The following TRPC1 variants were observed in gnomAD, a reference collection of about 807,000 sequenced individuals.
The protein encoded by TRPC1 is short transient receptor potential channel 1.
Under a neutral mutation model 88.2 loss-of-function variants are expected in TRPC1, and 42 were observed. The observed-to-expected ratio is 0.48, with a 90% CI of 0.37 to 0.62. The LOEUF is 0.62. TRPC1 is among the 20% of genes least tolerant of loss of function. The pLI is 0.00. For missense variants in TRPC1, 699 were observed against 957.3 expected (o/e 0.73, Z 3.56); for synonymous variants, 288 against 331.8 (o/e 0.87, Z 1.43).
intron 6 of TRPC1, among the ~76,000 whole-genome samples, chr3:142,782,009 G>A (rs144470991): frequency 1.3e-3 from 195 of 152,172 alleles, no homozygotes; most frequent in Non-Finnish European, 8.1e-4. Context: ...GATGGAGGAT[G>A]TTTATTGGTT....
At position 142,724,695 on chromosome 3, in the gene TRPC1, CTGAA is replaced by C; in HGVS notation, c.140_143del (p.Asn47ArgfsTer28). 2 of 1,605,724 alleles carry C rather than the reference CTGAA, an allele frequency of 1.2e-6. No homozygotes were observed. The highest frequency in any genetic ancestry group is 1.7e-6 in the Non-Finnish European group (2 of 1,174,852). ...GCGGGAGGTGAAGGAGGAGAATACG[CTGAA>C]TGAGAAGCTTTTCTTGCTGGCGTGC... On this transcript the variant is annotated frameshift_variant, in exon 1 of 13. Transcript: ENST00000476941. LOFTEE classifies it high-confidence loss of function. The surrounding 1 kb of genome is among the most constrained non-coding windows in gnomAD (Gnocchi z 5.6).
At chr3:142,726,258 G>T (rs1933666513) in intron 1 of TRPC1, among the ~76,000 whole-genome samples, 3 of 152,156 alleles carry the variant, frequency 2.0e-5, no homozygotes, top group South Asian at 4.1e-4. Flanking sequence ...AAGGAAATTT[G>T]ATATTCCTGT....
In TRPC1 at chr3:142,748,312, C is replaced by T. The variant is rs1358722550; in HGVS notation, c.484C>T (p.Pro162Ser). Residue 162 changes from proline to serine, a missense_variant, in exon 4 of 13, where the codon CCT becomes TCT. Transcript: ENST00000476941. ...GTATTCAACAACTATGGATGTTGCA[C>T]CTGTCATTTTAGCTGCTCATCGTAA... The part of the protein sequence containing the change: ...PEYSTTMDVA[P>S]VILAAHRNNY... The T allele has an allele frequency of 1.2e-6, 2 of 1,614,048 alleles. No individual in the cohort carries two copies. Among genetic ancestry groups the T allele is most frequent in the African/African-American group, 1.3e-5 (1 of 75,028 alleles).
chr3:142,784,945 T>G lies in TRPC1; in HGVS notation c.1202T>G (p.Leu401Arg). 1 of 1,614,024 alleles carries G rather than the reference T, an allele frequency of 6.2e-7. No homozygotes were observed. Among genetic ancestry groups the G allele is most frequent in the Non-Finnish European group, 8.5e-7 (1 of 1,179,986 alleles). Residue 401 changes from leucine to arginine, a missense_variant, in exon 7 of 13, where the codon CTT becomes CGT. By Grantham distance (102) the Leu-to-Arg change is moderately radical (BLOSUM62 -2). Coordinates refer to ENST00000476941, the MANE Select transcript of TRPC1 (RefSeq NM_001251845.2). Reference sequence around the variant, plus strand: ...TCATATTTCACATTTCTGCTGTTGCTTAATCTATACTCTCTTGTCTACAAT... The same window carrying G: ...TCATATTTCACATTTCTGCTGTTGCGTAATCTATACTCTCTTGTCTACAAT... ...GASYFTFLLLLNLYSLVYNED... is the reference protein window; with the variant it reads ...GASYFTFLLLRNLYSLVYNED...
At chr3:142,777,185 C>T (rs1432061496) in intron 4 of TRPC1, among the ~76,000 whole-genome samples, 1 of 151,986 alleles carries the variant, frequency 6.6e-6, no homozygotes, top group Non-Finnish European at 1.5e-5. Flanking sequence ...GTGGCATGCA[C>T]CTGTAATCAC....
At chr3:142,758,325 A>C (rs74282959) in intron 4 of TRPC1, among the ~76,000 whole-genome samples, 1 of 152,142 alleles carries the variant, frequency 6.6e-6, no homozygotes, top group South Asian at 2.1e-4. Flanking sequence ...GATACAAACT[A>C]TTTTAACTGG....
At chr3:142,760,310 C>G (rs1255834953) in intron 4 of TRPC1, among the ~76,000 whole-genome samples, 1 of 152,182 alleles carries the variant, frequency 6.6e-6, no homozygotes, top group African/African-American at 2.4e-5. Context: ...GTTAATCCAG[C>G]TTTCCCAGCA....
At chr3:142,766,749 T>C (rs1041095670) in intron 4 of TRPC1, among the ~76,000 whole-genome samples, 1 of 152,120 alleles carries the variant, frequency 6.6e-6, no homozygotes, top group Non-Finnish European at 1.5e-5. Context: ...GTTTCGGAAC[T>C]CAGACTAGCT....
intron 4 of TRPC1, among the ~76,000 whole-genome samples, chr3:142,772,910 C>T (rs1416094200): frequency 6.6e-6 from 1 of 152,142 alleles, no homozygotes; most frequent in Non-Finnish European, 1.5e-5. Flanking sequence ...TTCTAGGCCT[C>T]TCTCCTTTGT....
intron 1 of TRPC1, among the ~76,000 whole-genome samples, chr3:142,734,289 A>C (rs1934040038): frequency 6.6e-6 from 1 of 152,220 alleles, no homozygotes; most frequent in African/African-American, 2.4e-5. Context: ...AAATGAAAAC[A>C]TAAGAAAATA....
chr3:142,785,101 T>C (rs1158789553), intron 7 of TRPC1, 61 bp downstream of exon 7: 2 of 1,418,540 alleles, frequency 1.4e-6, no homozygotes, highest in East Asian at 2.5e-5. Flanking sequence ...TCTTTCTTGA[T>C]TGATGGCATT....
At chr3:142,729,532 G>A (rs137930188) in intron 1 of TRPC1, among the ~76,000 whole-genome samples, 113 of 152,160 alleles carry the variant, frequency 7.4e-4, no homozygotes, top group African/African-American at 2.5e-3. Context: ...GGGATATTAC[G>A]TGTACAGGGT....
chr3:142,737,430 A>G (rs1934185430), intron 2 of TRPC1, among the ~76,000 whole-genome samples: 1 of 152,040 alleles, frequency 6.6e-6, no homozygotes, highest in Non-Finnish European at 1.5e-5. Context: ...TTACCCAGCA[A>G]CTTCAGCTAT....
intron 4 of TRPC1, among the ~76,000 whole-genome samples, chr3:142,757,815 TA>T (rs958658334): frequency 1.3e-4 from 20 of 151,720 alleles, no homozygotes; most frequent in African/African-American, 4.3e-4. Flanking sequence ...GTATAATAAT[TA>T]AAAAAAAATT....
intron 4 of TRPC1, among the ~76,000 whole-genome samples, chr3:142,763,959 AATATATATATATAT>A (rs1159520441): frequency 2.6e-5 from 2 of 76,316 alleles, no homozygotes; most frequent in South Asian, 3.1e-4. Context: ...AAAAAAAAGA[AATATATATATATAT>A]ATATATATAT....
At chr3:142,762,428 A>ATT (rs755194552) in intron 4 of TRPC1, among the ~76,000 whole-genome samples, 2,460 of 103,606 alleles carry the variant, frequency 0.024, 67 homozygotes, top group East Asian at 0.056. Context: ...TTTATTCTTG[A>ATT]TTTTTTTTTT....
intron 4 of TRPC1, among the ~76,000 whole-genome samples, chr3:142,763,351 A>G (rs937911369): frequency 1.3e-5 from 2 of 152,100 alleles, no homozygotes; most frequent in African/African-American, 4.8e-5. Context: ...CATTAACTTT[A>G]TATACTTGGG....
At chr3:142,785,065 G>T (rs762573887) in intron 7 of TRPC1, 25 bp downstream of exon 7, 16 of 1,535,514 alleles carry the variant, frequency 1.0e-5, no homozygotes, top group Middle Eastern at 4.0e-4. Context: ...AGTTTGAAAG[G>T]TTTTGTCTTT....
intron 4 of TRPC1, among the ~76,000 whole-genome samples, chr3:142,750,611 C>T (rs142163471): frequency 1.3e-5 from 2 of 152,324 alleles, no homozygotes; most frequent in East Asian, 1.9e-4. Flanking sequence ...AAGACACATG[C>T]ACACGTATGT....
Sources: allele counts gnomAD v4.1 joint callset (sites outside exome capture counted in the v4.1 genomes callset), GRCh38; gene constraint gnomAD v4.1.1; non-coding constraint Gnocchi (gnomAD v3.1); transcripts MANE v1.5; gene names NCBI Gene and HGNC (gene_info 2026-07-23, HGNC 2026-07-21).